Variants in ZNF684 observed in about 807,000 individuals in gnomAD.
ZNF684 encodes the protein zinc finger protein 684, also known as hypothetical protein MGC27466.
Under a neutral mutation model 12.8 loss-of-function variants are expected in ZNF684, and 13 were observed. That is an observed-to-expected ratio of 1.02 (90% CI 0.66 to 1.62). The LOEUF (loss-of-function observed/expected upper bound fraction) is 1.62, where lower values mean the gene tolerates loss of function less well. ZNF684 is among the 40% of genes most tolerant of loss of function. The pLI is 0.00. For missense variants in ZNF684, 384 were observed against 446.9 expected, an observed-to-expected ratio of 0.86 and a Z score of 1.27; for synonymous variants, 118 against 151.8, an observed-to-expected ratio of 0.78 and a Z score of 1.64.
At chr1:40,536,742 C>T (rs1364805539) in intron 2 of ZNF684, among the ~76,000 whole-genome samples, 6 of 148,644 alleles carry the variant, frequency 4.0e-5, no homozygotes, top group Non-Finnish European at 7.4e-5. Flanking sequence ...CATTTCCCAC[C>T]TATGAGTGAG....
In ZNF684 at chr1:40,546,872, G is replaced by A. The variant is rs1646051673; in HGVS notation, c.549G>A (p.Arg183=). The A allele has an allele frequency of 1.2e-6, 2 of 1,613,232 alleles. No individual in the cohort carries two copies. Among genetic ancestry groups the A allele is most frequent in the East Asian group, 2.2e-5 (1 of 44,874 alleles). The part of the protein sequence containing the change: ...HFIRHEKNHT[R]KKPFECNDCG... Reference sequence around the variant, plus strand: ...TTAGACATGAAAAAAATCATACAAGGAAAAAACCTTTTGAATGCAATGACT... The same window carrying A: ...TTAGACATGAAAAAAATCATACAAGAAAAAAACCTTTTGAATGCAATGACT... The change falls in exon 5 of 5, where the codon AGG becomes AGA. Residue 183 remains arginine, a synonymous_variant. Transcript: ENST00000372699.
intron 4 of ZNF684, among the ~76,000 whole-genome samples, chr1:40,542,842 T>G (rs934904205): frequency 1.6e-4 from 24 of 152,218 alleles, no homozygotes; most frequent in African/African-American, 5.8e-4. Flanking sequence ...TGGCCTATGA[T>G]TTCAGCGATT....
At position 40,534,942 on chromosome 1, in the gene ZNF684, A is replaced by G. The variant is rs140749199; in HGVS notation, c.15+1761A>G. Among the ~76,000 whole-genome samples the G allele has an allele frequency of 1.7e-3, 258 of 152,288 alleles. 2 individuals carry two copies. The highest frequency in any genetic ancestry group is 6.0e-3 in the African/African-American group (251 of 41,572). On this transcript the variant is annotated intron_variant, in intron 2 of 4. Transcript: ENST00000372699. Reference sequence around the variant, plus strand: ...TAGAAGATCAAGGCTATAGCTAGCTATGGTCACAGCACTGCACTCTAGCCT... The same window carrying G: ...TAGAAGATCAAGGCTATAGCTAGCTGTGGTCACAGCACTGCACTCTAGCCT...
At chr1:40,540,144 C>G (rs1646006620) in intron 2 of ZNF684, among the ~76,000 whole-genome samples, 1 of 152,072 alleles carries the variant, frequency 6.6e-6, no homozygotes. Flanking sequence ...TTTGTCACTT[C>G]CACTTTTTCT....
intron 2 of ZNF684, among the ~76,000 whole-genome samples, chr1:40,538,558 T>C (rs1050909747): frequency 2.6e-5 from 4 of 152,186 alleles, no homozygotes; most frequent in Admixed American, 2.0e-4. Flanking sequence ...GGTTACTCTA[T>C]GTTTAACACT....
rs528672032 is a variant in ZNF684, at chr1:40,547,495, A to T, written c.*35A>T. ...TATGAATATGAGAAGGCCTTATTAA[A>T]TATTTGCTAAATCTTATTAAATACT... is the stretch of plus-strand genomic sequence containing the variant. On this transcript the variant is annotated 3_prime_UTR_variant, in exon 5 of 5. Coordinates refer to ENST00000372699, the MANE Select transcript of ZNF684 (RefSeq NM_152373.4). 126 of 1,514,202 alleles carry T rather than the reference A, an allele frequency of 8.3e-5. No individual in the cohort carries two copies. Among genetic ancestry groups the T allele is most frequent in the Non-Finnish European group, 1.0e-4 (116 of 1,129,242 alleles). 93.8% of individuals were successfully genotyped at this position (1,514,202 alleles called of 1,614,324 possible).
chr1:40,545,088 T>G (rs1646039171), intron 4 of ZNF684: 1 of 152,178 alleles, frequency 6.6e-6, no homozygotes, highest in Admixed American at 6.5e-5. Flanking sequence ...TTATTGTTGG[T>G]AGAGGTAATG....
At chr1:40,538,548 G>A (rs1451897241) in intron 2 of ZNF684, among the ~76,000 whole-genome samples, 3 of 152,104 alleles carry the variant, frequency 2.0e-5, no homozygotes, top group African/African-American at 7.2e-5. Context: ...TGGGTTATAT[G>A]GTTACTCTAT....
chr1:40,534,223 G>A (rs546489689), intron 2 of ZNF684, among the ~76,000 whole-genome samples: 13 of 148,306 alleles, frequency 8.8e-5, no homozygotes, highest in Admixed American at 2.1e-4. Context: ...TTTCTTATAG[G>A]TCTTTTATTA....
At chr1:40,541,052 TCG>T (rs1646011912) in intron 3 of ZNF684, among the ~76,000 whole-genome samples, 1 of 130,142 alleles carries the variant, frequency 7.7e-6, no homozygotes, top group African/African-American at 3.0e-5. Context: ...AAAAAAAAAA[TCG>T]TATGAAAACT....
chr1:40,536,993 T>G (rs546136313), intron 2 of ZNF684, among the ~76,000 whole-genome samples: 3 of 152,156 alleles, frequency 2.0e-5, no homozygotes, highest in African/African-American at 4.8e-5. Context: ...TGTGTCTTTA[T>G]AGCAGCATGA....
chr1:40,543,268 T>C (rs978847254), intron 4 of ZNF684, among the ~76,000 whole-genome samples: 1 of 152,240 alleles, frequency 6.6e-6, no homozygotes, highest in Non-Finnish European at 1.5e-5. Flanking sequence ...ACAAGATTTA[T>C]CCAAATTATT....
intron 2 of ZNF684, among the ~76,000 whole-genome samples, chr1:40,538,808 G>A (rs757867725): frequency 9.3e-5 from 14 of 150,232 alleles, no homozygotes; most frequent in Non-Finnish European, 1.6e-4. Flanking sequence ...GGGTGACAGA[G>A]TGAGACTCCA....
Position 40,547,782 on chromosome 1 carries a change from A to T in ZNF684, c.*322A>T, listed in dbSNP as rs1483964217. Reference sequence around the variant, plus strand: ...ATAATTATGCAAGTGTGAGTTTAAAATATATGCTTATACATTATATTAAAG... The same window carrying T: ...ATAATTATGCAAGTGTGAGTTTAAATTATATGCTTATACATTATATTAAAG... On this transcript the variant is annotated 3_prime_UTR_variant, in exon 5 of 5. Coordinates refer to ENST00000372699, the MANE Select transcript of ZNF684 (RefSeq NM_152373.4). 5.3e-6 allele frequency: 1 copy of T among 188,478 alleles called. No individual in the cohort carries two copies. The highest frequency in any genetic ancestry group is 2.4e-5 in the African/African-American group (1 of 42,170). 11.7% of individuals were successfully genotyped at this position (188,478 alleles called of 1,614,324 possible). A position where few individuals can be genotyped will look rare whatever the true frequency, so the allele number is the denominator to read the frequency against.
At chr1:40,538,866 A>G (rs1645999216) in intron 2 of ZNF684, among the ~76,000 whole-genome samples, 1 of 151,292 alleles carries the variant, frequency 6.6e-6, no homozygotes, top group African/African-American at 2.4e-5. Flanking sequence ...AGGAACTGCT[A>G]AACTCTTTTC....
intron 4 of ZNF684, among the ~76,000 whole-genome samples, chr1:40,542,959 A>G (rs1318018839): frequency 6.6e-6 from 1 of 152,236 alleles, no homozygotes; most frequent in Non-Finnish European, 1.5e-5. Context: ...CACCAATTAA[A>G]TATATTTCAG....
At chr1:40,536,043 T>A (rs1370145374) in intron 2 of ZNF684, among the ~76,000 whole-genome samples, 1 of 152,228 alleles carries the variant, frequency 6.6e-6, no homozygotes, top group Non-Finnish European at 1.5e-5. Flanking sequence ...TACTTGTCTT[T>A]AATTTCGGTG....
rs372675885 is a variant in ZNF684 at position 40,546,639 on chromosome 1, A to C, written c.316A>C (p.Thr106Pro). Residue 106 changes from threonine (T) to proline (P), a missense_variant, in exon 5 of 5, where the codon ACA (threonine) becomes CCA (proline). Transcript: ENST00000372699. The stretch of plus-strand genomic sequence containing the variant: ...CAATTTTTTGAAGTCAGTTTTGCTC[A>C]CATTCAATAAAATTCTGACTATGGA... Reference protein sequence around the residue: ...KDNFLKSVLLTFNKILTMERI... With the variant: ...KDNFLKSVLLPFNKILTMERI... 147 of 1,600,864 alleles carry C rather than the reference A, an allele frequency of 9.2e-5. No homozygotes were observed. Among genetic ancestry groups the C allele is most frequent in the Non-Finnish European group, 1.2e-4 (140 of 1,175,886 alleles).
intron 2 of ZNF684, among the ~76,000 whole-genome samples, chr1:40,539,123 G>A (rs527959385): frequency 3.3e-5 from 5 of 151,652 alleles, no homozygotes; most frequent in South Asian, 4.2e-4. Context: ...TCCGCCTCTC[G>A]GGTTCAAGCA....
Sources: allele counts gnomAD v4.1 joint callset (sites outside exome capture counted in the v4.1 genomes callset), GRCh38; gene constraint gnomAD v4.1.1; transcripts MANE v1.5; gene names NCBI Gene and HGNC (gene_info 2026-07-23, HGNC 2026-07-21).